CTNNA2: variants seen among roughly 807,000 people sequenced by gnomAD.
The protein encoded by CTNNA2 is catenin alpha 2.
In CTNNA2, 42 loss-of-function variants were observed where a neutral mutation model predicts 101.0. The observed-to-expected ratio is 0.42, with a 90% confidence interval of 0.32 to 0.54. The LOEUF (loss-of-function observed/expected upper bound fraction) is 0.54. CTNNA2 is among the 20% of genes least tolerant of loss of function. CTNNA2 has a pLI of 0.14. For missense variants in CTNNA2, 871 were observed against 1,223.1 expected, an observed-to-expected ratio of 0.71 and a Z score of 4.29; for synonymous variants, 450 against 456.4, an observed-to-expected ratio of 0.99 and a Z score of 0.18.
intron 2 of CTNNA2, among the ~76,000 whole-genome samples, chr2:79,301,919 T>C (rs1676120162): frequency 6.6e-6 from 1 of 151,882 alleles, no homozygotes; most frequent in African/African-American, 2.4e-5. Flanking sequence ...GATGAAACTC[T>C]GTCTCTACAA....
rs566849072 is a variant in CTNNA2, at chr2:79,848,359, T to G, written c.299-9654T>G. On this transcript the variant is annotated intron_variant, in intron 3 of 18. Transcript: ENST00000402739. ...TCTCTTAAGCTTAGATCATCACTGT[T>G]TAACGTTTCCTAATTTATGGTCTTC... is the stretch of plus-strand genomic sequence containing the variant. 2.0e-5 allele frequency among the ~76,000 whole-genome samples: 3 copies of G among 152,328 alleles called. No homozygotes were observed. In the South Asian group the frequency reaches 6.2e-4, roughly 32 times the overall value.
At chr2:79,538,518 T>C (rs944762845) in intron 1 of CTNNA2, among the ~76,000 whole-genome samples, 1 of 152,088 alleles carries the variant, frequency 6.6e-6, no homozygotes, top group African/African-American at 2.4e-5. Flanking sequence ...GAGAGACATG[T>C]TGGATGGGGT....
intron 7 of CTNNA2, among the ~76,000 whole-genome samples, chr2:80,129,528 T>C (rs1332416036): frequency 6.6e-6 from 1 of 152,180 alleles, no homozygotes; most frequent in Admixed American, 6.6e-5. Flanking sequence ...CAGGTGGCTT[T>C]GCTGTATGGC....
intron 2 of CTNNA2, among the ~76,000 whole-genome samples, chr2:79,694,067 A>T (rs1684495256): frequency 6.6e-6 from 1 of 152,002 alleles, no homozygotes; most frequent in Admixed American, 6.6e-5. Context: ...CAGTAACATT[A>T]TTCAAAGACA....
At chr2:80,620,036 C>T (rs941712742) in intron 18 of CTNNA2, among the ~76,000 whole-genome samples, 4 of 151,708 alleles carry the variant, frequency 2.6e-5, no homozygotes, top group African/African-American at 9.7e-5. Flanking sequence ...CTCCTGGGTA[C>T]CTATTAAAAC....
At chr2:79,370,628 CT>C (rs1010486164) in intron 3 of CTNNA2, among the ~76,000 whole-genome samples, 83 of 146,798 alleles carry the variant, frequency 5.7e-4, no homozygotes, top group South Asian at 1.5e-3. Context: ...ATGATCTTAA[CT>C]TTTTTTTTTT....
At chr2:79,963,874 G>A (rs577692370) in intron 7 of CTNNA2, among the ~76,000 whole-genome samples, 7 of 152,122 alleles carry the variant, frequency 4.6e-5, no homozygotes, top group African/African-American at 1.2e-4. Flanking sequence ...AGCAAGTAGC[G>A]TTTATCTTTC....
chr2:80,357,239 T>TG (rs1491552141), intron 7 of CTNNA2, among the ~76,000 whole-genome samples: 1 of 138,372 alleles, frequency 7.2e-6, no homozygotes, highest in Non-Finnish European at 1.6e-5. Context: ...ATTTTTTTTT[T>TG]GTTTTTTTTT....
At position 79,427,839 on chromosome 2, in the gene CTNNA2, GT is replaced by G. The variant is rs200327475; in HGVS notation, c.-135+53827del. Among the ~76,000 whole-genome samples the G allele has an allele frequency of 6.4e-3, 978 of 152,014 alleles. 10 individuals carry two copies. The highest frequency in any genetic ancestry group is 0.018 in the Admixed American group (274 of 15,244). ...CCTGTTCTAGAATTCATTGCTCTGT[GT>G]CTTCAAAAATGAAATCCTTTTTAAA... On this transcript the variant is annotated intron_variant, in intron 4 of 21. Transcript: ENST00000466387.
At chr2:79,311,162 C>A (rs1478819708) in intron 2 of CTNNA2, among the ~76,000 whole-genome samples, 1 of 152,174 alleles carries the variant, frequency 6.6e-6, no homozygotes, top group Non-Finnish European at 1.5e-5. Context: ...GTAATCCCAG[C>A]ACTTTGGGAG....
chr2:80,327,046 C>A (rs1202403502), intron 7 of CTNNA2, among the ~76,000 whole-genome samples: 2 of 152,180 alleles, frequency 1.3e-5, no homozygotes, highest in Non-Finnish European at 2.9e-5. Context: ...TTGCTCCCAC[C>A]ACTCCCACCC....
chr2:79,739,924 A>G (rs1253376159), intron 2 of CTNNA2, among the ~76,000 whole-genome samples: 1 of 152,224 alleles, frequency 6.6e-6, no homozygotes, highest in Non-Finnish European at 1.5e-5. Context: ...CCATGGGACA[A>G]GGTAGTCATT....
intron 7 of CTNNA2, among the ~76,000 whole-genome samples, chr2:79,944,668 G>A (rs887188368): frequency 2.6e-5 from 4 of 152,164 alleles, no homozygotes; most frequent in South Asian, 2.1e-4. Flanking sequence ...AGATCCATGA[G>A]TACATCTTTG....
chr2:79,254,126 G>T (rs953758416), intron 2 of CTNNA2, among the ~76,000 whole-genome samples: 1 of 152,154 alleles, frequency 6.6e-6, no homozygotes, highest in Admixed American at 6.5e-5. Context: ...GGATCACAAT[G>T]GTACCTTGCA....
chr2:80,020,108 T>G (rs1694450010), intron 7 of CTNNA2, among the ~76,000 whole-genome samples: 1 of 152,220 alleles, frequency 6.6e-6, no homozygotes, highest in Non-Finnish European at 1.5e-5. Context: ...GAGAGCACAG[T>G]AATTAAAATA....
At chr2:79,682,410 C>CAAAAAAA (rs10674928) in intron 2 of CTNNA2, among the ~76,000 whole-genome samples, 21 of 73,142 alleles carry the variant, frequency 2.9e-4, no homozygotes, top group Admixed American at 7.2e-4. Context: ...AACTCCATCT[C>CAAAAAAA]AAAAAAAAAA....
chr2:79,952,014 C>T (rs2104497422), intron 7 of CTNNA2, among the ~76,000 whole-genome samples: 1 of 152,292 alleles, frequency 6.6e-6, no homozygotes. Flanking sequence ...CACAGCTGTG[C>T]CTTCTCCCTG....
At chr2:80,479,158 G>GT (rs1178162621) in intron 9 of CTNNA2, among the ~76,000 whole-genome samples, 5 of 151,848 alleles carry the variant, frequency 3.3e-5, no homozygotes, top group South Asian at 4.2e-4. Context: ...TTTATTAACA[G>GT]TTTTTTTCCT....
At chr2:79,876,340 G>A (rs1288380408) in intron 6 of CTNNA2, among the ~76,000 whole-genome samples, 1 of 152,004 alleles carries the variant, frequency 6.6e-6, no homozygotes, top group Non-Finnish European at 1.5e-5. Context: ...TAATTTTAAA[G>A]GTGTGTATTG....
Sources: allele counts gnomAD v4.1 joint callset (sites outside exome capture counted in the v4.1 genomes callset), GRCh38; gene constraint gnomAD v4.1.1; transcripts MANE v1.5; gene names NCBI Gene and HGNC (gene_info 2026-07-23, HGNC 2026-07-21).